ALG1: variants seen among roughly 807,000 people sequenced by gnomAD.
ALG1 encodes the protein chitobiosyldiphosphodolichol beta-mannosyltransferase.
In ALG1, 58 loss-of-function variants were observed where a neutral mutation model predicts 55.1. The observed-to-expected ratio is 1.05, with a 90% CI of 0.85 to 1.31. The LOEUF is 1.31. Among genes scored for constraint, ALG1 ranks in the 50% most tolerant of loss-of-function variants. ALG1 has a pLI of 0.00. For synonymous variants in ALG1, 309 were observed against 247.0 expected, an observed-to-expected ratio of 1.25 and a Z score of -2.35; for missense variants, 761 against 598.6, an observed-to-expected ratio of 1.27 and a Z score of -2.83.
chr16:5,077,443 A>T lies in ALG1; in HGVS notation c.540-2A>T, dbSNP rs1956933594. On this transcript the variant is annotated splice_acceptor_variant, in intron 4 of 12. Coordinates refer to ENST00000262374, the MANE Select transcript of ALG1 (RefSeq NM_019109.5). LOFTEE classifies it high-confidence loss of function. ...CTGCTGACTGCTGATCTCTCTTTTCAGGTACGAGAAGTTCTTTGGGCGCCT... is the reference window on the plus strand; with the variant it reads ...CTGCTGACTGCTGATCTCTCTTTTCTGGTACGAGAAGTTCTTTGGGCGCCT... 1 of 1,613,736 alleles carries T rather than the reference A, an allele frequency of 6.2e-7. No homozygotes were observed. The highest frequency in any genetic ancestry group is 1.1e-5 in the South Asian group (1 of 91,084).
chr16:5,083,452 C>G (rs1957051387), intron 11 of ALG1, among the ~76,000 whole-genome samples: 1 of 152,064 alleles, frequency 6.6e-6, no homozygotes, highest in African/African-American at 2.4e-5. Flanking sequence ...AGGTACAAAC[C>G]CCCCTTAAGG....
chr16:5,072,853 T>G, intron 1 of ALG1, 98 bp from the exon 2 acceptor site: 2 of 1,156,736 alleles, frequency 1.7e-6, no homozygotes, highest in South Asian at 2.5e-5. Context: ...AATATCTTAC[T>G]TTCCAAAACA....
rs756942890 is a variant in ALG1, at chr16:5,071,972, C to T, written c.123C>T (p.Gly41=). Residue 41 remains glycine, a synonymous_variant, in exon 1 of 13, where the codon GGC becomes GGT. Coordinates refer to ENST00000262374, the MANE Select transcript of ALG1 (RefSeq NM_019109.5). ...AARHVVAVVL[G]DVGRSPRMQY... is the part of the protein sequence containing the mutation. Reference sequence around the variant, plus strand: ...GGCATGTAGTAGCGGTGGTGCTGGGCGACGTGGGCCGCAGCCCCCGTATGC... The same window carrying T: ...GGCATGTAGTAGCGGTGGTGCTGGGTGACGTGGGCCGCAGCCCCCGTATGC... 4.4e-6 allele frequency: 7 copies of T among 1,591,450 alleles called. No homozygotes were observed. The East Asian group carries it at 9.2e-5, about 21-fold the overall frequency.
In ALG1 at chr16:5,079,745, C is replaced by A; in HGVS notation, c.902-3C>A. 6.2e-7 allele frequency: 1 copy of A among 1,611,426 alleles called. No individual in the cohort carries two copies. Among genetic ancestry groups the A allele is most frequent in the Non-Finnish European group, 8.5e-7 (1 of 1,179,536 alleles). ...GTAGAATTGTTTCTTTTTCTAAACACAGAGTTTGAACAACTGACTCTTGAT... is the reference window on the plus strand; with the variant it reads ...GTAGAATTGTTTCTTTTTCTAAACAAAGAGTTTGAACAACTGACTCTTGAT... On this transcript the variant is annotated splice_region_variant and splice_polypyrimidine_tract_variant and intron_variant, in intron 8 of 12. Coordinates refer to ENST00000262374, the MANE Select transcript of ALG1 (RefSeq NM_019109.5).
At chr16:5,079,573 C>A (rs531341885) in intron 8 of ALG1, among the ~76,000 whole-genome samples, 175 bp from the exon 9 acceptor site, 1 of 152,086 alleles carries the variant, frequency 6.6e-6, no homozygotes, top group East Asian at 1.9e-4. Flanking sequence ...CCTGTCATCC[C>A]AGCTACTTGG....
rs183777877 is a variant in ALG1, at chr16:5,084,590, G to C, written c.1264-160G>C. 6,436 of 1,116,514 alleles carry C rather than the reference G, an allele frequency of 5.8e-3. 45 individuals are homozygous for C. Among genetic ancestry groups the C allele is most frequent in the Non-Finnish European group, 7.5e-3 (5,779 of 770,018 alleles). 69.2% of individuals were successfully genotyped at this position (1,116,514 alleles called of 1,614,324 possible). On this transcript the variant is annotated intron_variant, in intron 12 of 12. Transcript: ENST00000262374. The stretch of plus-strand genomic sequence containing the variant: ...GAAACTGTGATGTCAAGTTGGAGGC[G>C]GAGTGCTGCTGGGGTGTGAAGGGTC...
At chr16:5,072,646 A>G (rs1364653679) in intron 1 of ALG1, among the ~76,000 whole-genome samples, 1 of 152,102 alleles carries the variant, frequency 6.6e-6, no homozygotes, top group Admixed American at 6.5e-5. Flanking sequence ...CTTCCTAGGG[A>G]TGGCTCTGTG....
chr16:5,073,806 C>G (rs1956862891), intron 3 of ALG1, among the ~76,000 whole-genome samples: 1 of 152,220 alleles, frequency 6.6e-6, no homozygotes, highest in Admixed American at 6.5e-5. Flanking sequence ...CCTCTGCCTG[C>G]CGGGTTCAAG....
rs1275009121 is a variant in ALG1, at chr16:5,078,825, T to C, written c.809T>C (p.Val270Ala). 2 of 1,612,324 alleles carry C rather than the reference T, an allele frequency of 1.2e-6. No individual in the cohort carries two copies. Among genetic ancestry groups the C allele is most frequent in the East Asian group, 2.2e-5 (1 of 44,848 alleles). ...GAGCGGGATGCTGGGAGCGGGCTGG[T>C]GACGCGTCTCCGTGAGCGGCCAGCC... ...FTERDAGSGL[V>A]TRLRERPALL... is the part of the protein sequence containing the mutation. The change falls in exon 7 of 13, where the codon GTG becomes GCG. Residue 270 changes from valine to alanine, a missense_variant. By Grantham distance (64) the Val-to-Ala change is moderately conservative (BLOSUM62 0). Coordinates refer to ENST00000262374, the MANE Select transcript of ALG1 (RefSeq NM_019109.5).
At chr16:5,083,945 G>C (rs1337875603) in intron 12 of ALG1, among the ~76,000 whole-genome samples, 188 bp downstream of exon 12, 1 of 152,048 alleles carries the variant, frequency 6.6e-6, no homozygotes, top group East Asian at 1.9e-4. Context: ...GTAGGCTCGG[G>C]AAAGTTAAGA....
In ALG1 at chr16:5,085,810, A is replaced by G; in HGVS notation, c.*929A>G. ...GAGGGTATTGTGTGGGGCTGCTAGG[A>G]CAGGCCTGGCGGGGTAGGGGGGTGT... On this transcript the variant is annotated 3_prime_UTR_variant, in exon 13 of 13. Transcript: ENST00000262374. The G allele has an allele frequency of 8.6e-7, 1 of 1,161,638 alleles. No individual in the cohort carries two copies. The highest frequency in any genetic ancestry group is 1.3e-6 in the Non-Finnish European group (1 of 769,774). The allele number at this position is 1,161,638 out of a possible 1,614,324, so 72.0% of individuals were successfully genotyped here. A position where few individuals can be genotyped will look rare whatever the true frequency, so the allele number is the denominator to read the frequency against.
Position 5,087,112 on chromosome 16 carries a change from C to G in ALG1, c.*2231C>G, listed in dbSNP as rs191500789. On this transcript the variant is annotated 3_prime_UTR_variant, in exon 13 of 13. Coordinates refer to ENST00000262374, the MANE Select transcript of ALG1 (RefSeq NM_019109.5). ...GGATGGCACCTGTTAATGTGTATATCAGGGATGTCCAATCTTTTGGCCTCC... is the reference window on the plus strand; with the variant it reads ...GGATGGCACCTGTTAATGTGTATATGAGGGATGTCCAATCTTTTGGCCTCC... 1.1e-4 allele frequency: 16 copies of G among 152,272 alleles called. No individual in the cohort carries two copies. Among genetic ancestry groups the G allele is most frequent in the African/African-American group, 3.6e-4 (15 of 41,522 alleles). The allele number at this position is 152,272 out of a possible 1,614,324, so 9.4% of individuals were successfully genotyped here.
chr16:5,071,896 CGCT>C lies in ALG1; in HGVS notation c.58_60del (p.Leu20del), dbSNP rs760240522. 16 of 1,600,762 alleles carry C rather than the reference CGCT, an allele frequency of 1.0e-5. No individual in the cohort carries two copies. The highest frequency in any genetic ancestry group is 1.1e-5 in the Non-Finnish European group (13 of 1,175,280). On this transcript the variant is annotated inframe_deletion, in exon 1 of 13. Transcript: ENST00000262374. ...CTGCTGGCGCTGTGTCTGCTGCTGC[CGCT>C]GCTGCTGCTGGGAGGATGGAAGCGC...
At position 5,086,299 on chromosome 16, in the gene ALG1, C is replaced by G. The variant is rs1399106456; in HGVS notation, c.*1418C>G. Among the ~76,000 whole-genome samples, 1 of 145,900 alleles carries G rather than the reference C, an allele frequency of 6.9e-6. No individual in the cohort carries two copies. Among genetic ancestry groups the G allele is most frequent in the Non-Finnish European group, 1.5e-5 (1 of 66,974 alleles). On this transcript the variant is annotated 3_prime_UTR_variant, in exon 13 of 13. Coordinates refer to ENST00000262374, the MANE Select transcript of ALG1 (RefSeq NM_019109.5). ...GCAGTGAGCTGAGATTGTGCCACTG[C>G]ACTCCAGCCTGAGTGACAGGGTGAG...
At chr16:5,074,883 G>A (rs1321052328) in intron 3 of ALG1, among the ~76,000 whole-genome samples, 1 of 152,012 alleles carries the variant, frequency 6.6e-6, no homozygotes, top group Non-Finnish European at 1.5e-5. Flanking sequence ...TTTCAGGTTG[G>A]TTCTGTTTGT....
chr16:5,079,073 A>T lies in ALG1; in HGVS notation c.872A>T (p.Asp291Val), dbSNP rs192564717. Residue 291 changes from aspartate to valine, a missense_variant, in exon 8 of 13, where the codon GAC becomes GTC. Asp to Val is a radical substitution (Grantham distance 152). Transcript: ENST00000262374. ...VSSTSWTEDEDFSILLAALEK... is the reference protein window; with the variant it reads ...VSSTSWTEDEVFSILLAALEK... ...AATTCTCTTCTCATAGAGGACGAAG[A>T]CTTCTCCATCCTGCTGGCAGCTTTA... is the stretch of plus-strand genomic sequence containing the variant. 23 of 1,599,596 alleles carry T rather than the reference A, an allele frequency of 1.4e-5. No individual in the cohort carries two copies. The highest frequency in any genetic ancestry group is 1.8e-5 in the Non-Finnish European group (21 of 1,179,716).
In ALG1 at chr16:5,075,481, T is replaced by TC; in HGVS notation, c.486dup (p.Ile163HisfsTer44). 1.2e-6 allele frequency: 2 copies of TC among 1,614,188 alleles called. No homozygotes were observed. The highest frequency in any genetic ancestry group is 1.7e-6 in the Non-Finnish European group (2 of 1,180,038). On this transcript the variant is annotated frameshift_variant, in exon 4 of 13. Coordinates refer to ENST00000262374, the MANE Select transcript of ALG1 (RefSeq NM_019109.5). LOFTEE classifies it high-confidence loss of function. ...CATTGACTGGCACAACTATGGCTAC[T>TC]CCATCATGGGTCTGGTGCATGGCCC...
At chr16:5,080,310 C>T (rs1157251399) in intron 9 of ALG1, among the ~76,000 whole-genome samples, 1 of 152,138 alleles carries the variant, frequency 6.6e-6, no homozygotes, top group East Asian at 1.9e-4. Context: ...GGTGATCCAC[C>T]CGCCTTGGCC....
At chr16:5,084,144 G>A (rs1957069093) in intron 12 of ALG1, among the ~76,000 whole-genome samples, 2 of 152,184 alleles carry the variant, frequency 1.3e-5, no homozygotes, top group South Asian at 4.1e-4. Flanking sequence ...ATTGCAAAAA[G>A]TAATACATCA....
Sources: allele counts gnomAD v4.1 joint callset (sites outside exome capture counted in the v4.1 genomes callset), GRCh38; gene constraint gnomAD v4.1.1; transcripts MANE v1.5; gene names NCBI Gene and HGNC (gene_info 2026-07-23, HGNC 2026-07-21).